REV3L: variants seen among roughly 807,000 people sequenced by gnomAD.
REV3L encodes DNA polymerase zeta catalytic subunit.
In REV3L, 69 loss-of-function variants were observed where a neutral mutation model predicts 299.4. The ratio of observed to expected loss-of-function variants is 0.23; its 90% CI spans 0.19 to 0.28. The LOEUF (loss-of-function observed/expected upper bound fraction) is 0.28, where lower values mean the gene tolerates loss of function less well. REV3L is among the 10% of genes least tolerant of loss of function. REV3L has a pLI of 1.00. For missense variants in REV3L, 3,128 were observed against 3,693.8 expected (o/e 0.85, Z 3.97); for synonymous variants, 1,238 against 1,271.4 (o/e 0.97, Z 0.56).
intron 24 of REV3L, among the ~76,000 whole-genome samples, chr6:111,331,344 T>TAATA (rs1775355502): frequency 6.6e-6 from 1 of 152,196 alleles, no homozygotes; most frequent in Admixed American, 6.5e-5. Context: ...TCTTTGTAGG[T>TAATA]AATATATTTT....
chr6:111,376,102 C>A lies in REV3L; in HGVS notation c.2253G>T (p.Gly751=), dbSNP rs1450791728. 2.5e-6 allele frequency: 4 copies of A among 1,613,436 alleles called. No homozygotes were observed. Among genetic ancestry groups the A allele is most frequent in the Non-Finnish European group, 3.4e-6 (4 of 1,179,902 alleles). Residue 751 remains glycine, a synonymous_variant, in exon 13 of 32, where the codon GGG becomes GGT. Transcript: ENST00000368802. The part of the protein sequence containing the change: ...TENCELLSCS[G]ENRTMVHSLN... ...GAGAATGCACCATAGTTCTATTCTC[C>A]CCTGAGCATGACAGTAATTCACAAT...
chr6:111,316,811 G>A (rs921901841), intron 26 of REV3L, among the ~76,000 whole-genome samples: 2 of 152,086 alleles, frequency 1.3e-5, no homozygotes, highest in African/African-American at 4.8e-5. Flanking sequence ...CAAACACTTT[G>A]TGTATATCTG....
intron 1 of REV3L, among the ~76,000 whole-genome samples, chr6:111,434,416 C>G (rs1359654165): frequency 6.6e-6 from 1 of 151,638 alleles, no homozygotes; most frequent in African/African-American, 2.4e-5. Context: ...AGATCGAGAC[C>G]ATCCTGGCTA....
chr6:111,317,788 C>A (rs1031718618), intron 26 of REV3L, among the ~76,000 whole-genome samples: 3 of 152,094 alleles, frequency 2.0e-5, no homozygotes, highest in African/African-American at 7.2e-5. Context: ...TATAGTTAGA[C>A]CCTGTCTCTA....
intron 1 of REV3L, among the ~76,000 whole-genome samples, chr6:111,448,434 G>A (rs917835078): frequency 2.0e-5 from 3 of 151,914 alleles, no homozygotes; most frequent in Middle Eastern, 6.8e-3. Flanking sequence ...TGCCTCCTAG[G>A]CTCAGATGAT....
At chr6:111,356,636 G>A (rs984435178) in intron 18 of REV3L, 1 of 153,056 alleles carries the variant, frequency 6.5e-6, no homozygotes, top group African/African-American at 2.4e-5. Context: ...TACTGAAATG[G>A]TGGCTGGCTC....
At chr6:111,461,600 A>G (rs921411068) in intron 1 of REV3L, among the ~76,000 whole-genome samples, 1 of 152,056 alleles carries the variant, frequency 6.6e-6, no homozygotes, top group African/African-American at 2.4e-5. Context: ...GATTGCATAT[A>G]TATAAAAGTA....
At chr6:111,470,828 A>G (rs1476381027) in intron 1 of REV3L, among the ~76,000 whole-genome samples, 2 of 152,018 alleles carry the variant, frequency 1.3e-5, no homozygotes, top group Non-Finnish European at 2.9e-5. Flanking sequence ...AAAAATACAA[A>G]AAGTAGCCGG....
chr6:111,360,122 T>C (rs758348976), intron 16 of REV3L, among the ~76,000 whole-genome samples: 2 of 152,184 alleles, frequency 1.3e-5, no homozygotes, highest in African/African-American at 2.4e-5. Context: ...ACATAAATTA[T>C]GTGGTATCCA....
chr6:111,358,796 A>G (rs377089513), intron 17 of REV3L, 26 bp downstream of exon 17: 94 of 1,561,536 alleles, frequency 6.0e-5, no homozygotes, highest in Admixed American at 2.7e-4. Flanking sequence ...GTGGGCAGGT[A>G]TATCATTAAT....
intron 13 of REV3L, among the ~76,000 whole-genome samples, chr6:111,370,007 AT>A (rs1353664179): frequency 6.6e-6 from 1 of 151,898 alleles, no homozygotes; most frequent in Non-Finnish European, 1.5e-5. Flanking sequence ...TAATTTTTGT[AT>A]TTTTAGTAGA....
At chr6:111,351,837 A>C in intron 18 of REV3L, 46 bp from the exon 19 acceptor site, 1 of 1,238,626 alleles carries the variant, frequency 8.1e-7, no homozygotes, top group Non-Finnish European at 1.2e-6. Flanking sequence ...ATACATTTGA[A>C]CCTTTAACCA....
At chr6:111,408,074 A>G (rs974059475) in intron 3 of REV3L, among the ~76,000 whole-genome samples, 1 of 152,206 alleles carries the variant, frequency 6.6e-6, no homozygotes, top group African/African-American at 2.4e-5. Context: ...TTTTATTAAT[A>G]TTAAAATGGA....
intron 1 of REV3L, among the ~76,000 whole-genome samples, chr6:111,454,892 C>T (rs1789990282): frequency 6.6e-6 from 1 of 152,086 alleles, no homozygotes; most frequent in Non-Finnish European, 1.5e-5. Flanking sequence ...TCTCAAACTC[C>T]CAACCTCAGG....
At chr6:111,433,882 T>A (rs1787229928) in intron 1 of REV3L, among the ~76,000 whole-genome samples, 1 of 152,254 alleles carries the variant, frequency 6.6e-6, no homozygotes, top group Admixed American at 6.5e-5. Flanking sequence ...ATCCCAGGGA[T>A]GCAGATTGTT....
At chr6:111,468,664 G>A (rs1791805868) in intron 1 of REV3L, among the ~76,000 whole-genome samples, 1 of 152,184 alleles carries the variant, frequency 6.6e-6, no homozygotes, top group Non-Finnish European at 1.5e-5. Context: ...TCCTATTGCT[G>A]GTGGGAGTAC....
intron 21 of REV3L, among the ~76,000 whole-genome samples, chr6:111,343,722 G>A (rs887357977): frequency 1.3e-5 from 2 of 152,102 alleles, no homozygotes; most frequent in African/African-American, 4.8e-5. Flanking sequence ...TAGAGATGGG[G>A]TTTCACCATG....
intron 1 of REV3L, among the ~76,000 whole-genome samples, chr6:111,426,654 T>C (rs530087978): frequency 2.6e-5 from 4 of 152,372 alleles, no homozygotes; most frequent in East Asian, 1.9e-4. Flanking sequence ...ATGATTAATA[T>C]GTCAGAAATC....
At chr6:111,407,180 C>T (rs769903553) in intron 3 of REV3L, among the ~76,000 whole-genome samples, 4 of 152,054 alleles carry the variant, frequency 2.6e-5, no homozygotes, top group Admixed American at 6.5e-5. Flanking sequence ...CTTAACCACT[C>T]GGCTATTCCA....
Sources: allele counts gnomAD v4.1 joint callset (sites outside exome capture counted in the v4.1 genomes callset), GRCh38; gene constraint gnomAD v4.1.1; transcripts MANE v1.5; gene names NCBI Gene and HGNC (gene_info 2026-07-23, HGNC 2026-07-21).